The following MRAP2 variants were observed in gnomAD, a reference collection of about 807,000 sequenced individuals.
MRAP2 encodes melanocortin-2 receptor accessory protein 2.
MRAP2 carries 20 observed loss-of-function variants against 17.4 expected under a neutral mutation model. That is an observed-to-expected ratio of 1.15 (90% CI 0.81 to 1.67). The LOEUF (loss-of-function observed/expected upper bound fraction) is 1.67. Ranked by LOEUF, MRAP2 falls within the 40% of genes most tolerant of loss-of-function variation. The pLI is 0.00. For missense variants in MRAP2, 238 were observed against 240.0 expected (o/e 0.99, Z 0.05); for synonymous variants, 96 against 88.4 (o/e 1.09, Z -0.48).
At chr6:84,106,755 C>T in the MRAP2 span, among the ~76,000 whole-genome samples, 131 of 152,218 alleles carry the variant, frequency 8.6e-4, no homozygotes, top group African/African-American at 2.8e-3. Flanking sequence ...CTTATGCCTT[C>T]GGGACCTGCT....
At chr6:84,144,596 CTTCTGATAACTTCAAGATCA>C in the MRAP2 span, among the ~76,000 whole-genome samples, 37 of 152,164 alleles carry the variant, frequency 2.4e-4, no homozygotes, top group African/African-American at 8.9e-4. Context: ...CAAATACAGG[CTTCTGATAACTTCAAGATCA>C]TACCATTTGG....
chr6:84,085,095 C>T (rs527265586), intron 3 of MRAP2, among the ~76,000 whole-genome samples: 10 of 151,350 alleles, frequency 6.6e-5, no homozygotes, highest in Non-Finnish European at 1.3e-4. Flanking sequence ...TCACTCTGTC[C>T]CCAGGCTGGA....
chr6:84,137,475 TGG>T, the MRAP2 span, among the ~76,000 whole-genome samples: 2 of 152,294 alleles, frequency 1.3e-5, no homozygotes, highest in Admixed American at 6.5e-5. Flanking sequence ...CAATAGTCCC[TGG>T]GGTCTTATTA....
At position 84,037,828 on chromosome 6, in the gene MRAP2, A is replaced by G. The variant is rs963964915; in HGVS notation, c.-8+3945A>G. 1.1e-4 allele frequency among the ~76,000 whole-genome samples: 16 copies of G among 151,234 alleles called. 1 individual carries two copies. The highest frequency in any genetic ancestry group is 9.2e-4 in the Admixed American group (14 of 15,208). On this transcript the variant is annotated intron_variant, in intron 1 of 3. Transcript: ENST00000257776. ...GGTTCCTGCCCCTCTCTCTCCCTCC[A>G]CACCTCCCCGCAAGCAGAGGGAGCC...
At chr6:84,039,867 G>T (rs1376918234) in intron 1 of MRAP2, among the ~76,000 whole-genome samples, 1 of 152,158 alleles carries the variant, frequency 6.6e-6, no homozygotes, top group African/African-American at 2.4e-5. Context: ...AGAGAATGTG[G>T]TTGTAAACGT....
intron 1 of MRAP2, 121 bp downstream of exon 1, chr6:84,034,004 G>A (rs975631509): frequency 1.1e-5 from 9 of 785,392 alleles, no homozygotes; most frequent in Non-Finnish European, 1.2e-5. Flanking sequence ...TTAGTTTAGA[G>A]GGGCTAGAGA....
chr6:84,071,200 T>C (rs1425297112), intron 3 of MRAP2, among the ~76,000 whole-genome samples: 1 of 152,184 alleles, frequency 6.6e-6, no homozygotes, highest in Non-Finnish European at 1.5e-5. Flanking sequence ...TTTAAAGAGG[T>C]TCTGTTTTGA....
chr6:84,097,882 A>G, the MRAP2 span, among the ~76,000 whole-genome samples: 33 of 152,206 alleles, frequency 2.2e-4, no homozygotes, highest in Non-Finnish European at 4.3e-4. Context: ...TGTTAAGTAG[A>G]TAGGGCTAGA....
At chr6:84,037,482 C>T (rs1377428414) in intron 1 of MRAP2, among the ~76,000 whole-genome samples, 1 of 152,228 alleles carries the variant, frequency 6.6e-6, no homozygotes, top group Admixed American at 6.5e-5. Context: ...AGCCTGCACT[C>T]CTCAGCCCTT....
chr6:84,051,346 A>C (rs2099490361), intron 1 of MRAP2, among the ~76,000 whole-genome samples: 1 of 152,252 alleles, frequency 6.6e-6, no homozygotes. Flanking sequence ...ACCTGAGGTC[A>C]GGAGTTTGTA....
At chr6:84,135,202 C>T in the MRAP2 span, among the ~76,000 whole-genome samples, 41 of 152,244 alleles carry the variant, frequency 2.7e-4, no homozygotes, top group African/African-American at 9.6e-4. Context: ...AAAACACATG[C>T]ATAGTGAATC....
At chr6:84,134,913 C>CAT in the MRAP2 span, among the ~76,000 whole-genome samples, 3,437 of 89,520 alleles carry the variant, frequency 0.038, 125 homozygotes, top group African/African-American at 0.14. Context: ...ATGAAAAGAT[C>CAT]ATATATACAC....
chr6:84,093,491 G>T (rs72907693), downstream of MRAP2, among the ~76,000 whole-genome samples: 1 of 152,296 alleles, frequency 6.6e-6, no homozygotes, highest in African/African-American at 2.4e-5. Context: ...AATCTTCCAG[G>T]ATGGAAATAC....
the MRAP2 span, among the ~76,000 whole-genome samples, chr6:84,133,109 A>G: frequency 6.6e-6 from 1 of 151,824 alleles, no homozygotes; most frequent in Non-Finnish European, 1.5e-5. Context: ...GTCTGTTGGG[A>G]GTTTGCTTGA....
intron 3 of MRAP2, among the ~76,000 whole-genome samples, chr6:84,076,984 A>G (rs1194542289): frequency 6.6e-6 from 1 of 152,210 alleles, no homozygotes; most frequent in Admixed American, 6.5e-5. Flanking sequence ...TGCCTCTCAT[A>G]GGAATCAGGG....
intron 1 of MRAP2, among the ~76,000 whole-genome samples, chr6:84,035,806 G>A (rs62418853): frequency 6.6e-6 from 1 of 152,150 alleles, no homozygotes; most frequent in Non-Finnish European, 1.5e-5. Context: ...CCCCATTTCT[G>A]TTGGCCCCCA....
the MRAP2 span, among the ~76,000 whole-genome samples, chr6:84,116,815 C>T: frequency 2.6e-5 from 4 of 152,104 alleles, no homozygotes; most frequent in East Asian, 7.7e-4. Context: ...GTTGAACCAG[C>T]CTTGCATCCT....
At chr6:84,129,226 C>T in the MRAP2 span, among the ~76,000 whole-genome samples, 31 of 152,140 alleles carry the variant, frequency 2.0e-4, no homozygotes, top group Non-Finnish European at 3.5e-4. Flanking sequence ...ATGGCTGGGT[C>T]AAATGGTATT....
chr6:84,095,263 C>G (rs9449784), downstream of MRAP2, among the ~76,000 whole-genome samples: 2,236 of 152,266 alleles, frequency 0.015, 44 homozygotes, highest in African/African-American at 0.051. Context: ...GTAAATAAAC[C>G]TGCTCTATGC....
Sources: allele counts gnomAD v4.1 joint callset (sites outside exome capture counted in the v4.1 genomes callset), GRCh38; gene constraint gnomAD v4.1.1; transcripts MANE v1.5; gene names NCBI Gene and HGNC (gene_info 2026-07-23, HGNC 2026-07-21).